HLF: variants seen among roughly 807,000 people sequenced by gnomAD.
HLF encodes the protein hepatic leukemia factor.
A neutral mutation model predicts 22.6 loss-of-function variants in HLF; 3 were observed. The ratio of observed to expected loss-of-function variants is 0.13; its 90% CI spans 0.06 to 0.34. The LOEUF (loss-of-function observed/expected upper bound fraction) is 0.34. HLF is among the 10% of genes least tolerant of loss of function. HLF has a pLI of 1.00. For synonymous variants in HLF, 151 were observed against 151.8 expected (o/e 0.99, Z 0.04); for missense variants, 299 against 389.2 (o/e 0.77, Z 1.95).
chr17:55,283,191 A>T (rs1300908740), intron 2 of HLF, among the ~76,000 whole-genome samples: 1 of 152,012 alleles, frequency 6.6e-6, no homozygotes, highest in Non-Finnish European at 1.5e-5. Context: ...TTTTGATGGC[A>T]ACTTTTCTAG....
At position 55,320,884 on chromosome 17, in the gene HLF, G is replaced by A; in HGVS notation, c.*5G>A. The A allele has an allele frequency of 6.2e-7, 1 of 1,605,712 alleles. No homozygotes were observed. The highest frequency in any genetic ancestry group is 8.5e-7 in the Non-Finnish European group (1 of 1,176,024). ...GCCAGGCACGGGCCCCTGTAGGATG[G>A]CATTTTTGCAGGCTGGCTTTGGAAT... On this transcript the variant is annotated 3_prime_UTR_variant, in exon 4 of 4. Coordinates refer to ENST00000226067, the MANE Select transcript of HLF (RefSeq NM_002126.5). The surrounding 1 kb of genome is among the most constrained non-coding windows in gnomAD (Gnocchi z 4.2).
At chr17:55,290,108 C>G (rs1477932614) in intron 2 of HLF, among the ~76,000 whole-genome samples, 2 of 151,964 alleles carry the variant, frequency 1.3e-5, no homozygotes, top group African/African-American at 4.8e-5. Context: ...GAAAACCAGA[C>G]AAATAAGCAC....
At chr17:55,265,822 G>A in intron 1 of HLF, 1 of 1,289,704 alleles carries the variant, frequency 7.8e-7, no homozygotes, top group East Asian at 3.3e-5. Context: ...ATTTAAAAGA[G>A]CTTCGGGCAC....
intron 2 of HLF, among the ~76,000 whole-genome samples, chr17:55,270,656 C>CTTTTTTT (rs10712714): frequency 1.2e-5 from 1 of 84,748 alleles, no homozygotes; most frequent in Non-Finnish European, 2.4e-5. Context: ...TTGGGTAAAT[C>CTTTTTTT]TTTTTTTTTT....
chr17:55,269,915 CCAAATT>C (rs2080836873), intron 2 of HLF, among the ~76,000 whole-genome samples: 2 of 152,178 alleles, frequency 1.3e-5, no homozygotes, highest in South Asian at 4.1e-4. Context: ...TAGTCCCCTA[CCAAATT>C]TAGGATGTGT....
intron 2 of HLF, among the ~76,000 whole-genome samples, chr17:55,296,836 A>T (rs550866830): frequency 2.0e-5 from 3 of 151,968 alleles, no homozygotes; most frequent in African/African-American, 7.3e-5. Context: ...CATTCAAAAA[A>T]ATTTTTTTTT....
In HLF at chr17:55,320,223, A is replaced by C. The variant is rs1905217413; in HGVS notation, c.673-441A>C. 6.6e-6 allele frequency among the ~76,000 whole-genome samples: 1 copy of C among 152,228 alleles called. No homozygotes were observed. Among genetic ancestry groups the C allele is most frequent in the Non-Finnish European group, 1.5e-5 (1 of 68,026 alleles). ...CTAGATGAATAGTATATCCATTTAAATAGTTGATAGATATTGCCAAATTGC... is the reference window on the plus strand; with the variant it reads ...CTAGATGAATAGTATATCCATTTAACTAGTTGATAGATATTGCCAAATTGC... On this transcript the variant is annotated intron_variant, in intron 3 of 3. Coordinates refer to ENST00000226067, the MANE Select transcript of HLF (RefSeq NM_002126.5). This position sits in a 1 kb window ranked among gnomAD's most constrained non-coding sequence, Gnocchi z 4.2.
At chr17:55,266,944 A>G (rs2080797771) in intron 1 of HLF, 1 of 243,466 alleles carries the variant, frequency 4.1e-6, no homozygotes, top group Admixed American at 6.5e-5. Flanking sequence ...TTGTAAATGC[A>G]TACTCTTTGT....
rs879069597 is a variant in HLF, at chr17:55,266,825, T to C, written c.116-926T>C. On this transcript the variant is annotated intron_variant, in intron 1 of 3. Coordinates refer to ENST00000226067, the MANE Select transcript of HLF (RefSeq NM_002126.5). ...AATTGGCAAGATCCGGAATGCTTGT[T>C]AAAGACCTAATGGGCGAGCAGTACT... 5.1e-6 allele frequency: 5 copies of C among 984,638 alleles called. No homozygotes were observed. The Admixed American group carries it at 2.5e-4, about 48-fold the overall frequency. 61.0% of individuals were successfully genotyped at this position (984,638 alleles called of 1,614,324 possible).
chr17:55,282,332 T>C (rs912544319), intron 2 of HLF, among the ~76,000 whole-genome samples: 2 of 152,234 alleles, frequency 1.3e-5, no homozygotes, highest in Non-Finnish European at 2.9e-5. Flanking sequence ...AGATCTAATC[T>C]GTAGTCCTGG....
At chr17:55,302,886 C>A (rs548277890) in intron 2 of HLF, among the ~76,000 whole-genome samples, 1 of 152,282 alleles carries the variant, frequency 6.6e-6, no homozygotes, top group East Asian at 1.9e-4. Flanking sequence ...GAGAAGGTAG[C>A]CCATCCTAGG....
intron 2 of HLF, among the ~76,000 whole-genome samples, chr17:55,282,584 G>T (rs1278797415): frequency 6.6e-6 from 1 of 152,304 alleles, no homozygotes; most frequent in East Asian, 1.9e-4. Context: ...TGAACTTGGA[G>T]TCAGCCAATC....
intron 2 of HLF, among the ~76,000 whole-genome samples, chr17:55,278,542 C>T (rs142598909): frequency 1.1e-5 from 1 of 89,968 alleles, no homozygotes; most frequent in Non-Finnish European, 2.5e-5. Context: ...ATTTGAGTGG[C>T]GAAGGTTTGT....
intron 2 of HLF, among the ~76,000 whole-genome samples, chr17:55,303,402 C>T (rs1863542961): frequency 6.6e-6 from 1 of 152,210 alleles, no homozygotes; most frequent in Non-Finnish European, 1.5e-5. Flanking sequence ...ACCATCCATT[C>T]CCTGCAAGTA....
chr17:55,315,501 A>G (rs2145371152), intron 3 of HLF, 54 bp downstream of exon 3: 1 of 1,306,572 alleles, frequency 7.7e-7, no homozygotes, highest in Admixed American at 1.7e-5. Context: ...GGATCCACAG[A>G]CAGATTAAAA....
intron 2 of HLF, among the ~76,000 whole-genome samples, chr17:55,306,553 T>TGTGTGTGTGTGTGTGTG (rs1904567197): frequency 6.6e-6 from 1 of 151,606 alleles, no homozygotes; most frequent in Non-Finnish European, 1.5e-5. Context: ...TGTGTGTGTG[T>TGTGTGTGTGTGTGTGTG]GTGTGTGTGT....
At chr17:55,315,084 G>A in intron 2 of HLF, 143 bp from the exon 3 acceptor site, 1 of 660,500 alleles carries the variant, frequency 1.5e-6, no homozygotes, top group South Asian at 1.9e-5. Flanking sequence ...CAGAAATGCA[G>A]TGCGGATGAG....
chr17:55,281,017 T>C (rs1017550939), intron 2 of HLF, among the ~76,000 whole-genome samples: 1 of 152,236 alleles, frequency 6.6e-6, no homozygotes, highest in Admixed American at 6.5e-5. Flanking sequence ...GTGGGGTTCT[T>C]GGCCCTTGGC....
intron 2 of HLF, among the ~76,000 whole-genome samples, chr17:55,297,738 CTTTTTTTTTT>C (rs34900287): frequency 3.2e-5 from 2 of 62,890 alleles, no homozygotes; most frequent in Non-Finnish European, 5.5e-5. Flanking sequence ...AACAGCATTT[CTTTTTTTTTT>C]TTTTTTTTTT....
Sources: gnomAD v4.1 joint callset for allele counts (sites outside exome capture counted in the v4.1 genomes callset) on GRCh38, gnomAD v4.1.1 for gene constraint, Gnocchi (gnomAD v3.1) non-coding constraint, MANE v1.5 for transcripts, NCBI Gene and HGNC (gene_info 2026-07-23, HGNC 2026-07-21) for gene names.